The following SND1 variants were observed in gnomAD, a reference collection of about 807,000 sequenced individuals.
SND1 encodes staphylococcal nuclease domain-containing protein 1.
In SND1, 38 loss-of-function variants were observed where a neutral mutation model predicts 121.7. The ratio of observed to expected loss-of-function variants is 0.31; its 90% CI spans 0.24 to 0.41. SND1 has a LOEUF of 0.41. SND1 is among the 10% of genes least tolerant of loss of function. The pLI is 1.00. For synonymous variants in SND1, 401 were observed against 447.4 expected (o/e 0.90, Z 1.31); for missense variants, 868 against 1,184.6 (o/e 0.73, Z 3.92).
intron 18 of SND1, 107 bp from the exon 19 acceptor site, chr7:128,084,617 C>G: frequency 7.9e-7 from 1 of 1,273,360 alleles, no homozygotes; most frequent in Non-Finnish European, 1.1e-6. Context: ...TGCAGTGCCC[C>G]CCAGAATTTT....
intron 3 of SND1, among the ~76,000 whole-genome samples, chr7:127,697,521 T>G (rs712717): frequency 6.6e-6 from 1 of 152,134 alleles, no homozygotes; most frequent in African/African-American, 2.4e-5. Flanking sequence ...TTCCCTTAAT[T>G]GTTGAGTCCT....
chr7:127,853,470 C>G (rs1385611596), intron 12 of SND1, among the ~76,000 whole-genome samples: 1 of 152,140 alleles, frequency 6.6e-6, no homozygotes, highest in Non-Finnish European at 1.5e-5. Flanking sequence ...TGGTAGCAAG[C>G]TGCAACAGTA....
intron 16 of SND1, among the ~76,000 whole-genome samples, chr7:128,005,240 T>C (rs73721273): frequency 0.023 from 3,459 of 152,316 alleles, 140 homozygotes; most frequent in African/African-American, 0.075. Context: ...ATTGCCAGCA[T>C]GTGAGGTGCA....
chr7:128,011,715 G>A (rs1409437068), intron 16 of SND1, among the ~76,000 whole-genome samples: 2 of 152,176 alleles, frequency 1.3e-5, no homozygotes, highest in East Asian at 3.8e-4. Flanking sequence ...TTGATACCAA[G>A]GAATAACTTT....
rs145412288 is a variant in SND1, at chr7:127,868,017, T to G, written c.1344-19885T>G. 9.1e-4 allele frequency among the ~76,000 whole-genome samples: 139 copies of G among 152,340 alleles called. 1 individual carries two copies. Among genetic ancestry groups the G allele is most frequent in the Middle Eastern group, 3.4e-3 (1 of 294 alleles). On this transcript the variant is annotated intron_variant, in intron 12 of 23. Transcript: ENST00000354725. The stretch of plus-strand genomic sequence containing the variant: ...CAGTGCTTCATTTCTCAGGAAAGTT[T>G]TGCTGTAGGTACTCCGTCTAAAATC...
chr7:127,776,603 A>G (rs1303312730), intron 10 of SND1, among the ~76,000 whole-genome samples: 1 of 152,240 alleles, frequency 6.6e-6, no homozygotes, highest in East Asian at 1.9e-4. Flanking sequence ...AACTAATCAA[A>G]GGAGGTACAT....
At chr7:127,775,793 C>T (rs1452433065) in intron 10 of SND1, among the ~76,000 whole-genome samples, 1 of 152,042 alleles carries the variant, frequency 6.6e-6, no homozygotes, top group Non-Finnish European at 1.5e-5. Context: ...CAGTATCACC[C>T]ACCCTCAGTA....
intron 12 of SND1, among the ~76,000 whole-genome samples, chr7:127,869,208 C>G (rs1799533049): frequency 6.6e-6 from 1 of 152,068 alleles, no homozygotes; most frequent in Admixed American, 6.6e-5. Flanking sequence ...TGGCAGAAGG[C>G]AAAGGCAACA....
chr7:127,753,268 G>A (rs990564808), intron 10 of SND1, among the ~76,000 whole-genome samples: 1 of 152,076 alleles, frequency 6.6e-6, no homozygotes, highest in Non-Finnish European at 1.5e-5. Context: ...GTGCTTTGGG[G>A]GGATGATCTG....
rs564612515 is a variant in SND1, at chr7:128,066,981, C to T, written c.1780-7521C>T. ...ATTCAGTTCCCGTCTCTCCATTTCC[C>T]GCGCCCCCCTGCAAGTTCTCCTACA... is the stretch of plus-strand genomic sequence containing the variant. On this transcript the variant is annotated intron_variant, in intron 16 of 23. Coordinates refer to ENST00000354725, the MANE Select transcript of SND1 (RefSeq NM_014390.4). 5.3e-5 allele frequency among the ~76,000 whole-genome samples: 8 copies of T among 152,238 alleles called. No homozygotes were observed. The East Asian group carries it at 7.7e-4, about 15-fold the overall frequency.
At chr7:128,044,556 A>G (rs1792912496) in intron 16 of SND1, among the ~76,000 whole-genome samples, 1 of 151,914 alleles carries the variant, frequency 6.6e-6, no homozygotes, top group Admixed American at 6.6e-5. Flanking sequence ...CATTGTTTTT[A>G]CAATAAAGAA....
intron 16 of SND1, among the ~76,000 whole-genome samples, chr7:128,062,881 A>T (rs1475975318): frequency 6.6e-6 from 1 of 152,146 alleles, no homozygotes; most frequent in Non-Finnish European, 1.5e-5. Flanking sequence ...GCCTTTCCTC[A>T]AAGGTTTCCT....
At chr7:128,030,832 A>C (rs1399870867) in intron 16 of SND1, 2 of 629,188 alleles carry the variant, frequency 3.2e-6, no homozygotes, top group East Asian at 6.0e-5. Context: ...CTGGTCTCCC[A>C]ACCCACCCTC....
chr7:127,756,260 G>C (rs1350205182), intron 10 of SND1, among the ~76,000 whole-genome samples: 1 of 152,156 alleles, frequency 6.6e-6, no homozygotes, highest in Non-Finnish European at 1.5e-5. Context: ...TTGATCTGTA[G>C]TATTTTTTTC....
chr7:127,710,802 A>G (rs1796284622), intron 9 of SND1, among the ~76,000 whole-genome samples: 1 of 152,094 alleles, frequency 6.6e-6, no homozygotes, highest in African/African-American at 2.4e-5. Flanking sequence ...TAGTTTTTTC[A>G]CATAAGCACA....
At chr7:127,681,650 A>G (rs1354030839) in intron 1 of SND1, among the ~76,000 whole-genome samples, 1 of 152,090 alleles carries the variant, frequency 6.6e-6, no homozygotes, top group Non-Finnish European at 1.5e-5. Flanking sequence ...TTTTTGAGTT[A>G]TCTTTTGTAT....
intron 16 of SND1, chr7:127,997,520 G>A: frequency 3.0e-6 from 1 of 337,478 alleles, no homozygotes; most frequent in Non-Finnish European, 5.9e-6. Context: ...TTTGATTTTT[G>A]TGGGCCTTAC....
intron 10 of SND1, among the ~76,000 whole-genome samples, chr7:127,749,043 GTT>G (rs5887354): frequency 1.7e-4 from 20 of 116,492 alleles, no homozygotes; most frequent in Non-Finnish European, 2.4e-4. Context: ...TTTTTCTTTC[GTT>G]TTTTTTTTTT....
At chr7:127,996,162 A>G (rs1229633870) in intron 16 of SND1, among the ~76,000 whole-genome samples, 4 of 151,902 alleles carry the variant, frequency 2.6e-5, no homozygotes, top group Non-Finnish European at 4.4e-5. Context: ...AAAGGTACAG[A>G]AAAACATTAT....
Sources: allele counts gnomAD v4.1 joint callset (sites outside exome capture counted in the v4.1 genomes callset), GRCh38; gene constraint gnomAD v4.1.1; transcripts MANE v1.5; gene names NCBI Gene and HGNC (gene_info 2026-07-23, HGNC 2026-07-21).